The following SLC24A3 variants were observed in gnomAD, a reference collection of about 807,000 sequenced individuals.
SLC24A3 encodes the protein solute carrier family 24 member 3, also known as sodium/potassium/calcium exchanger 3.
Under a neutral mutation model 75.8 loss-of-function variants are expected in SLC24A3, and 28 were observed. The ratio of observed to expected loss-of-function variants is 0.37; its 90% CI spans 0.27 to 0.51. The LOEUF is 0.51. Among genes scored for constraint, SLC24A3 ranks in the 20% least tolerant of loss-of-function variants. SLC24A3 has a pLI of 0.94. For missense variants in SLC24A3, 663 were observed against 847.8 expected (o/e 0.78, Z 2.71); for synonymous variants, 372 against 334.1 (o/e 1.11, Z -1.24).
chr20:19,361,916 C>G (rs1312856999), intron 2 of SLC24A3, among the ~76,000 whole-genome samples: 2 of 152,090 alleles, frequency 1.3e-5, no homozygotes, highest in Non-Finnish European at 2.9e-5. Flanking sequence ...CTAACAAGTT[C>G]AGCCTTTGGG....
At chr20:19,572,783 AATG>A (rs1187433653) in intron 3 of SLC24A3, among the ~76,000 whole-genome samples, 1 of 152,210 alleles carries the variant, frequency 6.6e-6, no homozygotes, top group Non-Finnish European at 1.5e-5. Flanking sequence ...GTTCCAGAAC[AATG>A]ATATTCACAC....
intron 2 of SLC24A3, among the ~76,000 whole-genome samples, chr20:19,373,019 C>T (rs1986017475): frequency 6.6e-6 from 1 of 151,408 alleles, no homozygotes. Flanking sequence ...ACTTAGTTAC[C>T]AAAAGAGAAA....
At chr20:19,358,873 A>G (rs1985736795) in intron 2 of SLC24A3, among the ~76,000 whole-genome samples, 1 of 152,176 alleles carries the variant, frequency 6.6e-6, no homozygotes, top group Admixed American at 6.5e-5. Context: ...CATACAATTT[A>G]TGGCTTTTTG....
At chr20:19,378,650 G>A (rs996693575) in intron 2 of SLC24A3, among the ~76,000 whole-genome samples, 1 of 152,116 alleles carries the variant, frequency 6.6e-6, no homozygotes, top group Non-Finnish European at 1.5e-5. Flanking sequence ...TTCCACCCAA[G>A]ATGAATGCAC....
chr20:19,267,746 A>G (rs1177182055), intron 1 of SLC24A3, among the ~76,000 whole-genome samples: 1 of 152,180 alleles, frequency 6.6e-6, no homozygotes, highest in Non-Finnish European at 1.5e-5. Context: ...CCATAGAGCA[A>G]ATTTCTTTAG....
intron 2 of SLC24A3, among the ~76,000 whole-genome samples, chr20:19,393,484 A>G (rs2122392317): frequency 6.6e-6 from 1 of 152,340 alleles, no homozygotes; most frequent in Non-Finnish European, 1.5e-5. Flanking sequence ...AACTGTTGTT[A>G]CTAATAAAGA....
At chr20:19,352,404 C>G (rs1320850234) in intron 2 of SLC24A3, among the ~76,000 whole-genome samples, 1 of 152,136 alleles carries the variant, frequency 6.6e-6, no homozygotes, top group Non-Finnish European at 1.5e-5. Flanking sequence ...CAGCAACTAC[C>G]CAAGCCTTCT....
chr20:19,665,958 G>T (rs2032394457), intron 8 of SLC24A3, 69 bp downstream of exon 8: 1 of 1,521,290 alleles, frequency 6.6e-7, no homozygotes, highest in Non-Finnish European at 9.0e-7. Context: ...TTGAAGACCA[G>T]TGTTGGGATT....
In SLC24A3 at chr20:19,696,015, C is replaced by CTTTTTTTTTTTTTTT. The variant is rs778046824; in HGVS notation, c.1492-778_1492-764dup. The stretch of plus-strand genomic sequence containing the variant: ...ATGGCTTTCCCCTTTTTTTCCTTTT[C>CTTTTTTTTTTTTTTT]TTTTTTTTTTTTTTTTTTGTGAGAC... On this transcript the variant is annotated intron_variant, in intron 13 of 16. Transcript: ENST00000328041. Among the ~76,000 whole-genome samples, 63 of 108,074 alleles carry CTTTTTTTTTTTTTTT rather than the reference C, an allele frequency of 5.8e-4. 4 individuals are homozygous for CTTTTTTTTTTTTTTT. Among genetic ancestry groups the CTTTTTTTTTTTTTTT allele is most frequent in the Admixed American group, 5.9e-4 (5 of 8,518 alleles). The allele number at this position is 108,074 out of a possible 152,430, so 70.9% of individuals were successfully genotyped here. A position where few individuals can be genotyped will look rare whatever the true frequency, so the allele number is the denominator to read the frequency against.
chr20:19,298,009 A>G (rs1393317044), intron 2 of SLC24A3, among the ~76,000 whole-genome samples: 1 of 152,228 alleles, frequency 6.6e-6, no homozygotes, highest in Non-Finnish European at 1.5e-5. Flanking sequence ...TTCAGCTATG[A>G]CAGTAAGTGG....
intron 7 of SLC24A3, among the ~76,000 whole-genome samples, chr20:19,656,638 A>G (rs2032270152): frequency 6.6e-6 from 1 of 152,204 alleles, no homozygotes; most frequent in African/African-American, 2.4e-5. Flanking sequence ...TTCAAAAGAC[A>G]TGGTTAGGGA....
chr20:19,346,306 A>ATATATATGG (rs1600440610), intron 2 of SLC24A3, among the ~76,000 whole-genome samples: 9 of 118,956 alleles, frequency 7.6e-5, no homozygotes, highest in African/African-American at 2.4e-4. Context: ...TATGGTGTAT[A>ATATATATGG]TATATATATG....
chr20:19,212,898 G>A lies in SLC24A3; in HGVS notation c.56G>A (p.Arg19Gln), dbSNP rs1398002958. The A allele has an allele frequency of 3.8e-6, 5 of 1,326,710 alleles. No individual in the cohort carries two copies. Among genetic ancestry groups the A allele is most frequent in the East Asian group, 3.0e-5 (1 of 33,232 alleles). The allele number at this position is 1,326,710 out of a possible 1,614,324, so 82.2% of individuals were successfully genotyped here. The change falls in exon 1 of 17, where the codon CGG (arginine) becomes CAG (glutamine). Residue 19 changes from arginine (R) to glutamine (Q), a missense_variant. By Grantham distance (43) the Arg-to-Gln change is conservative. Around this residue, in one of 2 missense-constraint regions of SLC24A3, gnomAD observed 153 missense variants for 144.2 expected, o/e 1.06. Coordinates refer to ENST00000328041, the MANE Select transcript of SLC24A3 (RefSeq NM_020689.4). The stretch of plus-strand genomic sequence containing the variant: ...CGTCGCCGCCGCCGCCGCCGCCGCC[G>A]GAGGGACCTTCTGCTGAGCCAGCTC... ...RARRRRRRRRRRDLLLSQLCF... is the reference protein window; with the variant it reads ...RARRRRRRRRQRDLLLSQLCF...
intron 2 of SLC24A3, among the ~76,000 whole-genome samples, chr20:19,462,346 A>C (rs1600239534): frequency 6.7e-6 from 1 of 150,212 alleles, no homozygotes. Flanking sequence ...TGCAAGCTCC[A>C]CCTCCTGGGT....
rs559340045 is a variant in SLC24A3, at chr20:19,398,533, C to G, written c.272-116955C>G. Among the ~76,000 whole-genome samples, 6 of 152,218 alleles carry G rather than the reference C, an allele frequency of 3.9e-5. No individual in the cohort carries two copies. In the East Asian group the frequency reaches 1.2e-3, roughly 29 times the overall value. ...AGATTTTTGCATTTTGATTTTGTAT[C>G]TTGCAACCTTGTGAAACTCACATAT... On this transcript the variant is annotated intron_variant, in intron 2 of 16. Coordinates refer to ENST00000328041, the MANE Select transcript of SLC24A3 (RefSeq NM_020689.4).
At chr20:19,543,195 C>T (rs759693602) in intron 3 of SLC24A3, among the ~76,000 whole-genome samples, 3 of 152,076 alleles carry the variant, frequency 2.0e-5, no homozygotes, top group Admixed American at 1.3e-4. Context: ...TAGATGAAAT[C>T]GCTTCTTCAA....
intron 2 of SLC24A3, among the ~76,000 whole-genome samples, chr20:19,407,087 A>G (rs889895770): frequency 6.6e-6 from 1 of 152,176 alleles, no homozygotes; most frequent in Non-Finnish European, 1.5e-5. Context: ...GAGGATATCA[A>G]TTGACAATTA....
At chr20:19,349,566 A>T (rs1985519087) in intron 2 of SLC24A3, among the ~76,000 whole-genome samples, 1 of 152,178 alleles carries the variant, frequency 6.6e-6, no homozygotes, top group African/African-American at 2.4e-5. Flanking sequence ...CCAAGAACTG[A>T]TGAGTCAGTG....
intron 2 of SLC24A3, among the ~76,000 whole-genome samples, chr20:19,470,598 A>C (rs1027323087): frequency 2.0e-5 from 3 of 152,230 alleles, no homozygotes; most frequent in Admixed American, 1.3e-4. Context: ...ACACATGTAC[A>C]TACACGCACA....
Sources: gnomAD v4.1 joint callset for allele counts (sites outside exome capture counted in the v4.1 genomes callset) on GRCh38, gnomAD v4.1.1 for gene constraint, gnomAD v4.1.1 regional missense constraint, MANE v1.5 for transcripts, NCBI Gene and HGNC (gene_info 2026-07-23, HGNC 2026-07-21) for gene names.